The following DACH1 variants were observed in gnomAD, a reference collection of about 807,000 sequenced individuals.
DACH1 encodes dachshund family transcription factor 1.
Under a neutral mutation model 54.2 loss-of-function variants are expected in DACH1, and 12 were observed. The ratio of observed to expected loss-of-function variants is 0.22; its 90% CI spans 0.14 to 0.36. DACH1 has a LOEUF of 0.36. DACH1 is among the 10% of genes least tolerant of loss of function. The pLI is 1.00. For synonymous variants in DACH1, 386 were observed against 366.2 expected, an observed-to-expected ratio of 1.05 and a Z score of -0.62; for missense variants, 805 against 929.8, an observed-to-expected ratio of 0.87 and a Z score of 1.75.
At chr13:71,588,893 G>A (rs144015749) in intron 3 of DACH1, among the ~76,000 whole-genome samples, 66 of 151,968 alleles carry the variant, frequency 4.3e-4, no homozygotes, top group Non-Finnish European at 7.5e-4. Flanking sequence ...CTGTAAATGT[G>A]TTTATTTAAA....
chr13:71,516,093 T>C (rs1056092054), intron 6 of DACH1, among the ~76,000 whole-genome samples: 1 of 151,902 alleles, frequency 6.6e-6, no homozygotes, highest in Non-Finnish European at 1.5e-5. Context: ...CACAAGGAGA[T>C]AGGCAGTTCC....
chr13:71,447,552 G>A (rs1874575246), intron 10 of DACH1, among the ~76,000 whole-genome samples: 1 of 152,082 alleles, frequency 6.6e-6, no homozygotes, highest in African/African-American at 2.4e-5. Context: ...CCAATCATAT[G>A]GCCGGGCGCA....
intron 2 of DACH1, among the ~76,000 whole-genome samples, chr13:71,632,973 C>G (rs1270236082): frequency 6.6e-6 from 1 of 152,154 alleles, no homozygotes; most frequent in Non-Finnish European, 1.5e-5. Context: ...TCCAGCAAAT[C>G]TTTCTTCCTC....
At chr13:71,624,137 T>C (rs961522439) in intron 3 of DACH1, among the ~76,000 whole-genome samples, 4 of 151,898 alleles carry the variant, frequency 2.6e-5, no homozygotes, top group African/African-American at 9.7e-5. Flanking sequence ...GCTTAGTACA[T>C]TTTTTGTCTT....
chr13:71,846,162 C>A, intron 1 of DACH1: 1 of 214,588 alleles, frequency 4.7e-6, no homozygotes. Context: ...CACACTGACT[C>A]CTGGCGGCAA....
chr13:71,595,692 T>G (rs1428161077), intron 3 of DACH1, among the ~76,000 whole-genome samples: 1 of 152,116 alleles, frequency 6.6e-6, no homozygotes, highest in Non-Finnish European at 1.5e-5. Flanking sequence ...AGTCTGACAT[T>G]ATGGTGCCAA....
intron 2 of DACH1, among the ~76,000 whole-genome samples, chr13:71,652,085 T>C (rs150521534): frequency 1.3e-5 from 2 of 152,120 alleles, no homozygotes; most frequent in Non-Finnish European, 2.9e-5. Flanking sequence ...TCATATGACA[T>C]AGGTACCTAA....
chr13:71,631,454 G>T (rs1877096532), intron 2 of DACH1, among the ~76,000 whole-genome samples: 1 of 152,114 alleles, frequency 6.6e-6, no homozygotes, highest in Admixed American at 6.6e-5. Context: ...TCACTAGATT[G>T]TGAACTACTC....
intron 6 of DACH1, among the ~76,000 whole-genome samples, chr13:71,490,880 A>G (rs1436170669): frequency 6.6e-6 from 1 of 152,224 alleles, no homozygotes; most frequent in Non-Finnish European, 1.5e-5. Flanking sequence ...ATGTGGCTTA[A>G]TAGATCATGG....
chr13:71,569,296 T>A (rs1464944494), intron 4 of DACH1, among the ~76,000 whole-genome samples: 1 of 152,102 alleles, frequency 6.6e-6, no homozygotes, highest in Non-Finnish European at 1.5e-5. Flanking sequence ...ATCGACAAAC[T>A]TTTTTGGTAA....
intron 2 of DACH1, among the ~76,000 whole-genome samples, chr13:71,642,896 G>A (rs1425459401): frequency 2.0e-5 from 3 of 151,850 alleles, no homozygotes; most frequent in African/African-American, 7.3e-5. Context: ...ATAGTGGCAC[G>A]TGCCTGTAAT....
intron 6 of DACH1, among the ~76,000 whole-genome samples, chr13:71,519,901 A>ATATATATATATATATATATATATATG (rs1881457533): frequency 7.4e-6 from 1 of 134,702 alleles, no homozygotes; most frequent in Admixed American, 7.6e-5. Flanking sequence ...ATATATATAT[A>ATATATATATATATATATATATATATG]TATATATCCT....
chr13:71,680,592 A>T (rs931569241), intron 2 of DACH1, among the ~76,000 whole-genome samples: 1 of 152,216 alleles, frequency 6.6e-6, no homozygotes, highest in African/African-American at 2.4e-5. Context: ...TAATAGAGGG[A>T]GACTCTTTGT....
chr13:71,855,195 A>G (rs929205492), intron 1 of DACH1, among the ~76,000 whole-genome samples: 4 of 152,004 alleles, frequency 2.6e-5, no homozygotes, highest in Admixed American at 6.6e-5. Context: ...GGTTTATTCA[A>G]TGTTAAGTGA....
intron 6 of DACH1, among the ~76,000 whole-genome samples, chr13:71,554,634 AT>A (rs1884121246): frequency 6.6e-6 from 1 of 152,098 alleles, no homozygotes; most frequent in Admixed American, 6.5e-5. Context: ...ACTCTTGTCT[AT>A]CTCTTAGAAA....
At position 71,692,506 on chromosome 13, in the gene DACH1, C is replaced by CTTTTTTTTTTTTTTTTTTTTTTTTTTTTT. The variant is rs398023338; in HGVS notation, c.849-10625_849-10597dup. ...CCTTTCTTTTTCTTTCTTTTCTTTC[C>CTTTTTTTTTTTTTTTTTTTTTTTTTTTTT]TTTTTTTTTTTTTTTTTTTTTTTTT... On this transcript the variant is annotated intron_variant, in intron 1 of 10. Coordinates refer to ENST00000613252, the MANE Select transcript of DACH1 (RefSeq NM_080759.6). 1.1e-4 allele frequency among the ~76,000 whole-genome samples: 5 copies of CTTTTTTTTTTTTTTTTTTTTTTTTTTTTT among 44,424 alleles called. 1 individual carries two copies. Among genetic ancestry groups the CTTTTTTTTTTTTTTTTTTTTTTTTTTTTT allele is most frequent in the African/African-American group, 6.0e-4 (5 of 8,312 alleles). The allele number at this position is 44,424 out of a possible 152,430, so 29.1% of individuals were successfully genotyped here.
At chr13:71,758,393 G>A (rs908189608) in intron 1 of DACH1, among the ~76,000 whole-genome samples, 2 of 152,178 alleles carry the variant, frequency 1.3e-5, no homozygotes, top group Non-Finnish European at 2.9e-5. Context: ...CAGGGAGTGA[G>A]AACCTGGAAA....
At chr13:71,450,167 T>C (rs948468442) in intron 10 of DACH1, among the ~76,000 whole-genome samples, 1 of 81,754 alleles carries the variant, frequency 1.2e-5, no homozygotes, top group Non-Finnish European at 2.9e-5. Flanking sequence ...GGGACACAGA[T>C]ACTTTTTTTT....
intron 6 of DACH1, among the ~76,000 whole-genome samples, chr13:71,494,649 T>C (rs1249164914): frequency 6.6e-6 from 1 of 152,088 alleles, no homozygotes; most frequent in African/African-American, 2.4e-5. Context: ...TTTGAAACTA[T>C]AGTGGTTTTC....
Sources: allele counts gnomAD v4.1 joint callset (sites outside exome capture counted in the v4.1 genomes callset), GRCh38; gene constraint gnomAD v4.1.1; transcripts MANE v1.5; gene names NCBI Gene and HGNC (gene_info 2026-07-23, HGNC 2026-07-21).